The following NPHP3 variants were observed in gnomAD, a reference collection of about 807,000 sequenced individuals.
NPHP3 encodes the protein nephrocystin 3, also known as nephrocystin-3.
Under a neutral mutation model 171.9 loss-of-function variants are expected in NPHP3, and 123 were observed. The ratio of observed to expected loss-of-function variants is 0.72; its 90% CI spans 0.62 to 0.83. NPHP3 has a LOEUF of 0.83. NPHP3 is among the 40% of genes least tolerant of loss of function. The probability of loss-of-function intolerance (pLI) is 0.00; values close to 1 mark genes in which losing one functional copy is unlikely to be tolerated. For missense variants in NPHP3, 1,506 were observed against 1,591.9 expected (o/e 0.95, Z 0.92); for synonymous variants, 558 against 579.2 (o/e 0.96, Z 0.52).
Position 132,681,523 on chromosome 3 carries a change from C to G in NPHP3, c.*387G>C, listed in dbSNP as rs1355570481. On this transcript the variant is annotated 3_prime_UTR_variant, in exon 27 of 27. Transcript: ENST00000337331. ...CCTCAAGTGATCCTCCTGCATCACC[C>G]TCCCAAAGTGGTGGGATTACAGGCA... The G allele has an allele frequency of 2.0e-5, 5 of 251,668 alleles. No individual in the cohort carries two copies. In the East Asian group the frequency reaches 5.4e-4, roughly 27 times the overall value. The allele number at this position is 251,668 out of a possible 1,614,324, so 15.6% of individuals were successfully genotyped here. A position where few individuals can be genotyped will look rare whatever the true frequency, so the allele number is the denominator to read the frequency against.
intron 6 of NPHP3, among the ~76,000 whole-genome samples, chr3:132,709,915 C>G (rs541302405): frequency 1.3e-5 from 2 of 152,308 alleles, no homozygotes; most frequent in African/African-American, 4.8e-5. Flanking sequence ...TGGGAAAAGT[C>G]TGTGGCCCAT....
intron 1 of NPHP3, among the ~76,000 whole-genome samples, chr3:132,720,857 C>T (rs993392548): frequency 4.6e-5 from 7 of 151,942 alleles, no homozygotes; most frequent in East Asian, 1.9e-4. Context: ...ACCAGAGGGG[C>T]CCCAAACTGA....
chr3:132,683,387 A>T lies in NPHP3; in HGVS notation c.3696+12T>A, dbSNP rs772869810. On this transcript the variant is annotated intron_variant, in intron 25 of 26. Transcript: ENST00000337331. ...TCATTCACTGATACAACGTTAAAAT[A>T]TGGGAACTTACCATTTGGCTATAAA... The T allele has an allele frequency of 9.3e-6, 15 of 1,611,344 alleles. No homozygotes were observed. The African/African-American group carries it at 2.0e-4, about 22-fold the overall frequency.
chr3:132,693,709 T>G (rs959431122), intron 16 of NPHP3: 1 of 151,886 alleles, frequency 6.6e-6, no homozygotes, highest in Non-Finnish European at 1.5e-5. Context: ...CCATCTCTAC[T>G]AAAAATACAA....
intron 6 of NPHP3, among the ~76,000 whole-genome samples, chr3:132,710,571 C>A (rs992539164): frequency 6.6e-6 from 1 of 152,142 alleles, no homozygotes; most frequent in African/African-American, 2.4e-5. Flanking sequence ...GTCTGCCCAA[C>A]AAGGGTGCTG....
rs759495075 is a variant in NPHP3 at position 132,686,309 on chromosome 3, G to A, written c.3280C>T (p.Arg1094Trp). Residue 1094 changes from arginine (R) to tryptophan (W), a missense_variant, in exon 23 of 27, where the codon CGG becomes TGG. Physicochemically the swap from Arg to Trp is moderately radical, Grantham distance 101 (BLOSUM62 -3). Around this residue, in one of 3 missense-constraint regions of NPHP3, gnomAD observed 569 missense variants for 648.1 expected, o/e 0.88. Coordinates refer to ENST00000337331, the MANE Select transcript of NPHP3 (RefSeq NM_153240.5). Reference sequence around the variant, plus strand: ...AGAACACCCAGTTCATTGAGGGTCCGAGCATTATCAGGTGTGTCCTTACCT... The same window carrying A: ...AGAACACCCAGTTCATTGAGGGTCCAAGCATTATCAGGTGTGTCCTTACCT... ...TLGKDTPDNARTLNELGVLYY... is the reference protein window; with the variant it reads ...TLGKDTPDNAWTLNELGVLYY... 1.5e-5 allele frequency: 24 copies of A among 1,613,690 alleles called. No homozygotes were observed. Among genetic ancestry groups the A allele is most frequent in the Admixed American group, 1.7e-5 (1 of 60,000 alleles).
chr3:132,709,866 G>A (rs190246963), intron 6 of NPHP3, among the ~76,000 whole-genome samples: 2 of 152,220 alleles, frequency 1.3e-5, no homozygotes, highest in Admixed American at 6.5e-5. Flanking sequence ...ATGTTCTATC[G>A]AATTTTGGAA....
chr3:132,710,374 C>T (rs534633087), intron 6 of NPHP3, among the ~76,000 whole-genome samples: 2 of 150,726 alleles, frequency 1.3e-5, no homozygotes, highest in Non-Finnish European at 3.0e-5. Context: ...TGAATGAAAC[C>T]AATAATAGGG....
intron 8 of NPHP3, among the ~76,000 whole-genome samples, chr3:132,705,358 G>A (rs1939719995): frequency 6.6e-6 from 1 of 152,084 alleles, no homozygotes; most frequent in South Asian, 2.1e-4. Flanking sequence ...CCCCTCTTCT[G>A]TTAGGGATAA....
intron 4 of NPHP3, among the ~76,000 whole-genome samples, chr3:132,716,407 A>G (rs1940052376): frequency 6.6e-6 from 1 of 152,234 alleles, no homozygotes; most frequent in Admixed American, 6.5e-5. Flanking sequence ...AACCTGCTCT[A>G]ATCTTCAACA....
chr3:132,698,730 G>C (rs966293516), intron 13 of NPHP3, among the ~76,000 whole-genome samples: 5 of 152,120 alleles, frequency 3.3e-5, no homozygotes, highest in African/African-American at 7.2e-5. Context: ...AACTAACCAT[G>C]ATTAAAAACT....
At chr3:132,720,972 C>A (rs1028558135) in intron 1 of NPHP3, among the ~76,000 whole-genome samples, 1 of 151,962 alleles carries the variant, frequency 6.6e-6, no homozygotes, top group Non-Finnish European at 1.5e-5. Context: ...AGCTGGAGTG[C>A]AATGGTGCAA....
chr3:132,685,973 T>TG (rs1939145433), intron 23 of NPHP3: 1 of 342,160 alleles, frequency 2.9e-6, no homozygotes, highest in Non-Finnish European at 5.6e-6. Flanking sequence ...ATAGCTTGAA[T>TG]GGGAGGTGGA....
Position 132,712,708 on chromosome 3 carries a change from G to T in NPHP3, c.1118+418C>A, listed in dbSNP as rs370600752. 1.6e-4 allele frequency among the ~76,000 whole-genome samples: 24 copies of T among 152,180 alleles called. 2 individuals are homozygous for T. The East Asian group carries it at 2.9e-3, about 18-fold the overall frequency. ...GTGAACCTGGGAGGTGGAGCTTGCA[G>T]TGAGCCGAGATTGCGCCACTGCACT... is the stretch of plus-strand genomic sequence containing the variant. On this transcript the variant is annotated intron_variant, in intron 6 of 26. Transcript: ENST00000337331.
Position 132,716,886 on chromosome 3 carries a change from A to G in NPHP3, c.694T>C (p.Trp232Arg). ...TCACTTCCCAAGGCTCCGCCAGTCC[A>G]ATATTCACATTGGGTTCCAGCAGCT... ...VTAAGTQCEY[W>R]TGGALGSEPS... Residue 232 changes from tryptophan (W) to arginine (R), a missense_variant, in exon 4 of 27, where the codon TGG (tryptophan) becomes CGG (arginine). This residue lies in a region of NPHP3 where 930 missense variants were observed against 924.9 expected (regional missense o/e 1.01). Transcript: ENST00000337331. 6.2e-7 allele frequency: 1 copy of G among 1,614,104 alleles called. No homozygotes were observed. The highest frequency in any genetic ancestry group is 8.5e-7 in the Non-Finnish European group (1 of 1,180,022).
intron 3 of NPHP3, among the ~76,000 whole-genome samples, chr3:132,718,546 C>T (rs2369832): frequency 0.2 from 30,293 of 152,112 alleles, 3,442 homozygotes; most frequent in East Asian, 0.56. Flanking sequence ...CAGAACACTA[C>T]ATTTTAGTTG....
intron 7 of NPHP3, 71 bp from the exon 8 acceptor site, chr3:132,705,885 A>T (rs1342501674): frequency 2.2e-5 from 18 of 800,716 alleles, no homozygotes; most frequent in Non-Finnish European, 3.9e-5. Flanking sequence ...AAATACTTTT[A>T]TACTGCTTAT....
chr3:132,708,391 T>A, intron 6 of NPHP3, 134 bp from the exon 7 acceptor site: 1 of 806,322 alleles, frequency 1.2e-6, no homozygotes, highest in Non-Finnish European at 2.1e-6. Context: ...GCACAACAAG[T>A]GAAGCTTTCC....
chr3:132,691,389 G>A (rs1296236103), intron 17 of NPHP3, 103 bp from the exon 18 acceptor site: 1 of 801,136 alleles, frequency 1.2e-6, no homozygotes, highest in Non-Finnish European at 2.2e-6. Context: ...CTATTTTATA[G>A]CTGTATAATA....
Sources: gnomAD v4.1 joint callset for allele counts (sites outside exome capture counted in the v4.1 genomes callset) on GRCh38, gnomAD v4.1.1 for gene constraint, gnomAD v4.1.1 regional missense constraint, MANE v1.5 for transcripts, NCBI Gene and HGNC (gene_info 2026-07-23, HGNC 2026-07-21) for gene names.